The following GRID2 variants were observed in gnomAD, a reference collection of about 807,000 sequenced individuals.
GRID2 encodes glutamate receptor ionotropic, delta-2.
Under a neutral mutation model 114.8 loss-of-function variants are expected in GRID2, and 33 were observed. The ratio of observed to expected loss-of-function variants is 0.29; its 90% confidence interval spans 0.22 to 0.38. The LOEUF is 0.38. Among genes scored for constraint, GRID2 ranks in the 10% least tolerant of loss-of-function variants. The probability of loss-of-function intolerance (pLI) is 1.00; values close to 1 mark genes in which losing one functional copy is unlikely to be tolerated. For synonymous variants in GRID2, 505 were observed against 449.9 expected (o/e 1.12, Z -1.55); for missense variants, 1,184 against 1,257.7 (o/e 0.94, Z 0.89).
intron 1 of GRID2, among the ~76,000 whole-genome samples, chr4:92,537,601 A>G (rs756223610): frequency 2.0e-5 from 3 of 152,216 alleles, no homozygotes; most frequent in Admixed American, 1.3e-4. Context: ...ATCTACCCAG[A>G]ACAAATATGC....
chr4:92,681,918 A>G (rs1409333043), intron 2 of GRID2, among the ~76,000 whole-genome samples: 1 of 152,152 alleles, frequency 6.6e-6, no homozygotes, highest in African/African-American at 2.4e-5. Context: ...AAAAGAAGGT[A>G]GCTTCAGGAC....
At chr4:92,918,534 C>T (rs560042876) in intron 2 of GRID2, among the ~76,000 whole-genome samples, 68 of 152,170 alleles carry the variant, frequency 4.5e-4, no homozygotes, top group African/African-American at 1.5e-3. Context: ...CCATCAATAC[C>T]GAATTTATGG....
intron 2 of GRID2, among the ~76,000 whole-genome samples, chr4:92,800,591 A>T (rs947002035): frequency 7.9e-5 from 12 of 152,032 alleles, no homozygotes; most frequent in Non-Finnish European, 1.3e-4. Flanking sequence ...ACTGCTGTTT[A>T]CAGCCAGTTG....
chr4:92,881,336 C>T (rs1020772611), intron 2 of GRID2, among the ~76,000 whole-genome samples: 1 of 152,140 alleles, frequency 6.6e-6, no homozygotes, highest in Non-Finnish European at 1.5e-5. Flanking sequence ...TTCATGATGC[C>T]ATCTTCACCT....
intron 2 of GRID2, among the ~76,000 whole-genome samples, chr4:92,765,675 A>T (rs921521421): frequency 1.3e-5 from 2 of 152,222 alleles, no homozygotes; most frequent in Non-Finnish European, 2.9e-5. Context: ...TCAACTCCCT[A>T]TGGCACTGCT....
chr4:92,517,595 T>C (rs551721721), intron 1 of GRID2, among the ~76,000 whole-genome samples: 21 of 152,040 alleles, frequency 1.4e-4, no homozygotes, highest in African/African-American at 5.1e-4. Flanking sequence ...AGGTCAGTCA[T>C]AAATAGTTGA....
chr4:93,747,755 T>A (rs1296852050), intron 14 of GRID2, among the ~76,000 whole-genome samples: 1 of 152,066 alleles, frequency 6.6e-6, no homozygotes, highest in African/African-American at 2.4e-5. Flanking sequence ...TTTTCTGTCA[T>A]TGTTGATTTG....
intron 14 of GRID2, among the ~76,000 whole-genome samples, chr4:93,684,763 G>A (rs1725923035): frequency 6.6e-6 from 1 of 151,982 alleles, no homozygotes; most frequent in African/African-American, 2.4e-5. Flanking sequence ...TTGTATAGGG[G>A]GAGGGTTCTT....
At chr4:92,504,557 A>T (rs1006216776) in intron 1 of GRID2, among the ~76,000 whole-genome samples, 6 of 152,074 alleles carry the variant, frequency 3.9e-5, no homozygotes, top group African/African-American at 1.2e-4. Flanking sequence ...GGAAGTTAAT[A>T]GGAAATCTTT....
chr4:92,644,875 A>G (rs1200140600), intron 2 of GRID2, among the ~76,000 whole-genome samples: 5 of 151,510 alleles, frequency 3.3e-5, no homozygotes, highest in Non-Finnish European at 7.4e-5. Context: ...TTTATGATTT[A>G]TGTGCAACAG....
At chr4:92,941,822 G>A (rs1340383062) in intron 2 of GRID2, among the ~76,000 whole-genome samples, 3 of 151,824 alleles carry the variant, frequency 2.0e-5, no homozygotes, top group East Asian at 3.9e-4. Context: ...TCATTTTTTT[G>A]TGTACCCAGT....
At chr4:92,653,400 CACAA>C (rs777291188) in intron 2 of GRID2, among the ~76,000 whole-genome samples, 6 of 151,488 alleles carry the variant, frequency 4.0e-5, no homozygotes. Flanking sequence ...GTTACATACA[CACAA>C]ACATTCACTT....
intron 1 of GRID2, among the ~76,000 whole-genome samples, chr4:92,568,284 A>G (rs1238309383): frequency 3.3e-5 from 5 of 152,004 alleles, no homozygotes; most frequent in Non-Finnish European, 4.4e-5. Context: ...GAAATTTAAC[A>G]AAGTGTCTGA....
At chr4:92,943,475 T>G (rs1045878606) in intron 2 of GRID2, among the ~76,000 whole-genome samples, 4 of 152,132 alleles carry the variant, frequency 2.6e-5, no homozygotes, top group African/African-American at 9.7e-5. Context: ...TATTTAGCCA[T>G]TCATCTAATT....
At position 93,351,502 on chromosome 4, in the gene GRID2, A is replaced by G. The variant is rs1760803967; in HGVS notation, c.1246-44105A>G. 2.6e-5 allele frequency among the ~76,000 whole-genome samples: 4 copies of G among 152,030 alleles called. No homozygotes were observed. The South Asian group carries it at 8.3e-4, about 32-fold the overall frequency. On this transcript the variant is annotated intron_variant, in intron 8 of 15. Transcript: ENST00000282020. ...TATTCATTTACATTTACAATTAGAAATACAACTATCAAGCAGACCAGAAAT... is the reference window on the plus strand; with the variant it reads ...TATTCATTTACATTTACAATTAGAAGTACAACTATCAAGCAGACCAGAAAT...
Position 92,428,107 on chromosome 4 carries a change from A to G in GRID2, c.88+123363A>G, listed in dbSNP as rs561273832. Reference sequence around the variant, plus strand: ...GAAATCCCGTCTCTACTAAAAATACAAAAAATTAGCCGGGCGTGGTGAGGG... The same window carrying G: ...GAAATCCCGTCTCTACTAAAAATACGAAAAATTAGCCGGGCGTGGTGAGGG... On this transcript the variant is annotated intron_variant, in intron 1 of 15. Coordinates refer to ENST00000282020, the MANE Select transcript of GRID2 (RefSeq NM_001510.4). 8.7e-4 allele frequency among the ~76,000 whole-genome samples: 132 copies of G among 152,012 alleles called. 1 individual carries two copies. Among genetic ancestry groups the G allele is most frequent in the African/African-American group, 3.0e-3 (124 of 41,466 alleles).
At chr4:93,450,455 T>A (rs77682667) in intron 10 of GRID2, among the ~76,000 whole-genome samples, 1,611 of 151,982 alleles carry the variant, frequency 0.011, 24 homozygotes, top group African/African-American at 0.037. Flanking sequence ...ACTAAATGCA[T>A]ACTATTAATC....
intron 9 of GRID2, among the ~76,000 whole-genome samples, chr4:93,419,252 A>G (rs1397972308): frequency 1.3e-5 from 2 of 151,930 alleles, no homozygotes; most frequent in East Asian, 3.9e-4. Context: ...ACTTAACACC[A>G]TATCTCTCAC....
chr4:93,602,441 C>G (rs1739772391), intron 13 of GRID2, among the ~76,000 whole-genome samples: 1 of 152,204 alleles, frequency 6.6e-6, no homozygotes, highest in South Asian at 2.1e-4. Context: ...TCAAGCAAGT[C>G]TATTGATGCC....
Sources: gnomAD v4.1 joint callset for allele counts (sites outside exome capture counted in the v4.1 genomes callset) on GRCh38, gnomAD v4.1.1 for gene constraint, MANE v1.5 for transcripts, NCBI Gene and HGNC (gene_info 2026-07-23, HGNC 2026-07-21) for gene names.